Variants in PMFBP1 observed in about 807,000 individuals in gnomAD.
PMFBP1 encodes the protein polyamine modulated factor 1 binding protein 1.
In PMFBP1, 131 loss-of-function variants were observed where a neutral mutation model predicts 137.8. The ratio of observed to expected loss-of-function variants is 0.95; its 90% CI spans 0.82 to 1.10. PMFBP1 has a LOEUF of 1.10. Among genes scored for constraint, PMFBP1 ranks in the 50% least tolerant of loss-of-function variants. The pLI is 0.00. For synonymous variants in PMFBP1, 490 were observed against 450.4 expected (o/e 1.09, Z -1.11); for missense variants, 1,199 against 1,175.4 (o/e 1.02, Z -0.29).
At chr16:72,160,820 T>A (rs1185442866) in intron 3 of PMFBP1, among the ~76,000 whole-genome samples, 7 of 152,218 alleles carry the variant, frequency 4.6e-5, no homozygotes, top group Non-Finnish European at 1.0e-4. Context: ...TACAGCATGA[T>A]CTATTAAATT....
chr16:72,210,021 T>C, the PMFBP1 span, among the ~76,000 whole-genome samples: 2 of 152,190 alleles, frequency 1.3e-5, no homozygotes, highest in Non-Finnish European at 2.9e-5. Flanking sequence ...CCTGGTGTTG[T>C]TAGTCTTTGG....
intron 14 of PMFBP1, among the ~76,000 whole-genome samples, chr16:72,127,058 C>G (rs2042471708): frequency 6.6e-6 from 1 of 152,198 alleles, no homozygotes; most frequent in South Asian, 2.1e-4. Context: ...GCTTCTGAGT[C>G]TGGAAGCCAG....
intron 19 of PMFBP1, among the ~76,000 whole-genome samples, chr16:72,120,488 C>G (rs956887544): frequency 6.6e-6 from 1 of 152,190 alleles, no homozygotes; most frequent in Non-Finnish European, 1.5e-5. Context: ...TTCTCATGGC[C>G]GTGCCTTGGA....
Position 72,125,349 on chromosome 16 carries a change from T to A in PMFBP1, c.2310A>T (p.Gln770His). Reference protein sequence around the residue: ...KSLQQSLTQTQEKKAQLEEEI... With the variant: ...KSLQQSLTQTHEKKAQLEEEI... ...CCTCTTCCAGCTGAGCTTTCTTCTCTTGGGTCTGTGTCAAGCTTTGCTGCA... is the reference window on the plus strand; with the variant it reads ...CCTCTTCCAGCTGAGCTTTCTTCTCATGGGTCTGTGTCAAGCTTTGCTGCA... The change falls in exon 16 of 21, where the codon CAA becomes CAT. Residue 770 changes from glutamine to histidine, a missense_variant. Gln to His is a conservative substitution (Grantham distance 24, BLOSUM62 0). Transcript: ENST00000237353. The A allele has an allele frequency of 1.2e-6, 2 of 1,614,194 alleles. No homozygotes were observed. Among genetic ancestry groups the A allele is most frequent in the Non-Finnish European group, 1.7e-6 (2 of 1,180,028 alleles).
At chr16:72,126,209 A>C (rs1007218245) in intron 14 of PMFBP1, 77 bp from the exon 15 acceptor site, 1 of 1,504,798 alleles carries the variant, frequency 6.6e-7, no homozygotes, top group African/African-American at 1.4e-5. Flanking sequence ...ATAGGAAATG[A>C]ACAAGAGCCA....
the PMFBP1 span, among the ~76,000 whole-genome samples, chr16:72,245,168 T>G: frequency 6.6e-6 from 1 of 152,092 alleles, no homozygotes; most frequent in South Asian, 2.1e-4. Context: ...TAATCAATTC[T>G]CCTCATTTTA....
At chr16:72,168,920 A>G (rs1296423710) in intron 2 of PMFBP1, among the ~76,000 whole-genome samples, 1 of 152,138 alleles carries the variant, frequency 6.6e-6, no homozygotes, top group Non-Finnish European at 1.5e-5. Flanking sequence ...TCAAACATAT[A>G]TTTCAAAATA....
the PMFBP1 span, among the ~76,000 whole-genome samples, chr16:72,217,660 T>C: frequency 3.3e-5 from 5 of 152,296 alleles, no homozygotes; most frequent in South Asian, 1.0e-3. Context: ...GAGACCAGCC[T>C]GGCCAACATG....
At chr16:72,155,688 T>C (rs1249854073) in intron 3 of PMFBP1, among the ~76,000 whole-genome samples, 1 of 152,250 alleles carries the variant, frequency 6.6e-6, no homozygotes, top group Non-Finnish European at 1.5e-5. Flanking sequence ...ATTAACTTTT[T>C]GAAAACAGAT....
chr16:72,197,652 C>T, the PMFBP1 span, among the ~76,000 whole-genome samples: 1 of 152,188 alleles, frequency 6.6e-6, no homozygotes, highest in Admixed American at 6.5e-5. Context: ...CCAGGGACCC[C>T]AGAATATTGA....
In PMFBP1 at chr16:72,144,885, T is replaced by C. The variant is rs1470119203; in HGVS notation, c.637-4303A>G. Reference sequence around the variant, plus strand: ...GGAGCACCCAGATTCATAAAGCAAGTTCTTAGAGACCTACAAGGAGACTTA... The same window carrying C: ...GGAGCACCCAGATTCATAAAGCAAGCTCTTAGAGACCTACAAGGAGACTTA... On this transcript the variant is annotated intron_variant, in intron 5 of 20. Transcript: ENST00000237353. 1.8e-4 allele frequency among the ~76,000 whole-genome samples: 27 copies of C among 152,146 alleles called. 1 individual carries two copies. The highest frequency in any genetic ancestry group is 1.8e-3 in the Admixed American group (27 of 15,280).
At chr16:72,159,916 G>A (rs150867074) in intron 3 of PMFBP1, among the ~76,000 whole-genome samples, 10 of 152,106 alleles carry the variant, frequency 6.6e-5, no homozygotes, top group African/African-American at 1.9e-4. Flanking sequence ...ATTTTACAGA[G>A]GTAAGACTAG....
the PMFBP1 span, among the ~76,000 whole-genome samples, chr16:72,217,166 G>C: frequency 6.6e-6 from 1 of 152,164 alleles, no homozygotes. Flanking sequence ...TGAAGCATAA[G>C]AAGAGGGAAG....
At chr16:72,121,025 G>A (rs1315307603) in intron 19 of PMFBP1, among the ~76,000 whole-genome samples, 1 of 152,168 alleles carries the variant, frequency 6.6e-6, no homozygotes, top group Non-Finnish European at 1.5e-5. Flanking sequence ...AAGAACAGGA[G>A]AACTCAAGAG....
intron 4 of PMFBP1, among the ~76,000 whole-genome samples, chr16:72,151,386 C>T (rs181176242): frequency 2.3e-3 from 348 of 152,310 alleles, no homozygotes; most frequent in South Asian, 4.1e-3. Context: ...AGCTCACGAG[C>T]ATTGTGTTAA....
the PMFBP1 span, among the ~76,000 whole-genome samples, chr16:72,238,554 C>T: frequency 4.6e-5 from 7 of 152,066 alleles, no homozygotes; most frequent in Non-Finnish European, 7.4e-5. Context: ...TGTCAGTAAT[C>T]AATTGCTCAC....
At chr16:72,154,514 T>C (rs897273648) in intron 3 of PMFBP1, 55 bp from the exon 4 acceptor site, 8 of 1,554,610 alleles carry the variant, frequency 5.1e-6, no homozygotes, top group South Asian at 4.8e-5. Flanking sequence ...TAAGGACGTA[T>C]TCATTCCAGG....
At chr16:72,176,725 T>G (rs1218726573), upstream of PMFBP1, 1 of 152,246 alleles carries the variant, frequency 6.6e-6, no homozygotes, top group African/African-American at 2.4e-5. Flanking sequence ...TTGTTTTTAA[T>G]TTTTCTGTTT....
intron 4 of PMFBP1, among the ~76,000 whole-genome samples, chr16:72,153,918 T>A (rs1276841781): frequency 1.0e-5 from 1 of 95,910 alleles, no homozygotes; most frequent in Non-Finnish European, 1.9e-5. Flanking sequence ...GAAGATGGAC[T>A]TATACACACA....
Sources: gnomAD v4.1 joint callset for allele counts (sites outside exome capture counted in the v4.1 genomes callset) on GRCh38, gnomAD v4.1.1 for gene constraint, MANE v1.5 for transcripts, NCBI Gene and HGNC (gene_info 2026-07-23, HGNC 2026-07-21) for gene names.